The following SATB1 variants were observed in gnomAD, a reference collection of about 807,000 sequenced individuals.
SATB1 encodes SATB homeobox 1.
Under a neutral mutation model 86.9 loss-of-function variants are expected in SATB1, and 11 were observed. The observed-to-expected ratio is 0.13, with a 90% CI of 0.08 to 0.21. SATB1 has a LOEUF of 0.21. SATB1 is among the 10% of genes least tolerant of loss of function. SATB1 has a pLI of 1.00. For synonymous variants in SATB1, 357 were observed against 357.2 expected (o/e 1.00, Z 0.01); for missense variants, 551 against 937.6 (o/e 0.59, Z 5.39).
At chr3:18,359,118 T>C (rs947357686) in intron 9 of SATB1, among the ~76,000 whole-genome samples, 1 of 152,058 alleles carries the variant, frequency 6.6e-6, no homozygotes, top group African/African-American at 2.4e-5. Flanking sequence ...TACAATTTAA[T>C]CAGATAAAAA....
chr3:18,375,217 A>G (rs535877537), intron 9 of SATB1, among the ~76,000 whole-genome samples: 23 of 152,352 alleles, frequency 1.5e-4, no homozygotes, highest in African/African-American at 5.3e-4. Context: ...TTGAACCCTG[A>G]AGACAGTCTA....
At chr3:18,368,768 A>G (rs1214937072) in intron 9 of SATB1, among the ~76,000 whole-genome samples, 4 of 152,162 alleles carry the variant, frequency 2.6e-5, no homozygotes, top group African/African-American at 4.8e-5. Flanking sequence ...TAAGTAGGCT[A>G]TATCTATGTT....
At position 18,417,006 on chromosome 3, in the gene SATB1, T is replaced by C. The variant is rs1342382289; in HGVS notation, c.284A>G (p.His95Arg). 6.2e-7 allele frequency: 1 copy of C among 1,613,704 alleles called. No individual in the cohort carries two copies. The highest frequency in any genetic ancestry group is 8.5e-7 in the Non-Finnish European group (1 of 1,179,682). Residue 95 changes from histidine to arginine, a missense_variant, in exon 3 of 11, where the codon CAT (histidine) becomes CGT (arginine). Physicochemically the swap from His to Arg is conservative, Grantham distance 29. This residue lies in a region of SATB1 where 153 missense variants were observed against 258.1 expected (regional missense o/e 0.59). Coordinates refer to ENST00000338745, the MANE Select transcript of SATB1 (RefSeq NM_002971.6). ...NAIEYDCKEE[H>R]AEFVLVRKDM... Reference sequence around the variant, plus strand: ...CTTTCTCACCAGCACAAATTCTGCATGCTCCTCCTTGCAATCATATTCAAT... The same window carrying C: ...CTTTCTCACCAGCACAAATTCTGCACGCTCCTCCTTGCAATCATATTCAAT...
In SATB1 at chr3:18,384,210, A is replaced by C. The variant is rs73177722; in HGVS notation, c.1419+2189T>G. Among the ~76,000 whole-genome samples, 465 of 152,336 alleles carry C rather than the reference A, an allele frequency of 3.1e-3. 2 individuals are homozygous for C. Among genetic ancestry groups the C allele is most frequent in the African/African-American group, 0.011 (449 of 41,574 alleles). Reference sequence around the variant, plus strand: ...TCAGGCAAAAATAAATTAAACATATATTCTATCCCAACTTATCAGCAGATA... The same window carrying C: ...TCAGGCAAAAATAAATTAAACATATCTTCTATCCCAACTTATCAGCAGATA... On this transcript the variant is annotated intron_variant, in intron 8 of 10. Transcript: ENST00000338745.
At chr3:18,385,765 T>G (rs1054747035) in intron 8 of SATB1, among the ~76,000 whole-genome samples, 1 of 152,188 alleles carries the variant, frequency 6.6e-6, no homozygotes, top group African/African-American at 2.4e-5. Context: ...AAAACTTAGT[T>G]TAAAAAACAA....
At chr3:18,431,750 A>G (rs1698897912) in intron 2 of SATB1, among the ~76,000 whole-genome samples, 1 of 152,164 alleles carries the variant, frequency 6.6e-6, no homozygotes, top group Admixed American at 6.5e-5. Flanking sequence ...GTAGACCAAA[A>G]TTTGAGAAAT....
At chr3:18,420,504 A>G (rs148868034) in intron 2 of SATB1, among the ~76,000 whole-genome samples, 3 of 152,284 alleles carry the variant, frequency 2.0e-5, no homozygotes, top group Non-Finnish European at 2.9e-5. Flanking sequence ...TAAAACCATT[A>G]TATTTAATTC....
chr3:18,369,127 A>G (rs1695327934), intron 9 of SATB1, among the ~76,000 whole-genome samples: 5 of 151,486 alleles, frequency 3.3e-5, no homozygotes. Flanking sequence ...AGTGTCTGGT[A>G]TCTGACTATA....
At chr3:18,434,819 G>A (rs767146038) in intron 2 of SATB1, 3 of 151,502 alleles carry the variant, frequency 2.0e-5, no homozygotes, top group East Asian at 1.9e-4. Context: ...CACATGCTAC[G>A]TTAGATGTTT....
intron 9 of SATB1, among the ~76,000 whole-genome samples, chr3:18,372,352 CTTA>C (rs1184942980): frequency 1.3e-5 from 2 of 152,112 alleles, no homozygotes; most frequent in African/African-American, 2.4e-5. Flanking sequence ...AACAGTTAAG[CTTA>C]TTAAGTGGGT....
intron 2 of SATB1, among the ~76,000 whole-genome samples, chr3:18,432,627 G>T (rs1235543780): frequency 1.3e-5 from 2 of 152,070 alleles, no homozygotes; most frequent in Non-Finnish European, 2.9e-5. Flanking sequence ...AAGTGAAGGA[G>T]AAATTAAATT....
intron 9 of SATB1, among the ~76,000 whole-genome samples, chr3:18,357,681 A>G (rs1482812452): frequency 6.6e-6 from 1 of 151,808 alleles, no homozygotes; most frequent in African/African-American, 2.4e-5. Context: ...AAAGGTTTAA[A>G]GATATCACAA....
chr3:18,436,681 T>G (rs1199684713), intron 2 of SATB1: 1 of 152,214 alleles, frequency 6.6e-6, no homozygotes, highest in East Asian at 1.9e-4. Flanking sequence ...AATTCTTTAA[T>G]GAGTGCTCAA....
At chr3:18,421,043 T>C (rs1698373731) in intron 1 of SATB1, 52 bp from the exon 2 acceptor site, 1 of 1,228,750 alleles carries the variant, frequency 8.1e-7, no homozygotes, top group East Asian at 2.3e-5. Context: ...GACCTACGTG[T>C]ATATATGTGT....
intron 9 of SATB1, among the ~76,000 whole-genome samples, chr3:18,369,575 A>C (rs901811590): frequency 6.6e-6 from 1 of 152,130 alleles, no homozygotes; most frequent in African/African-American, 2.4e-5. Flanking sequence ...TTTTAGTTAC[A>C]CCACATGTGG....
upstream of SATB1, among the ~76,000 whole-genome samples, chr3:18,428,419 T>C (rs1442173864): frequency 6.6e-6 from 1 of 152,190 alleles, no homozygotes; most frequent in African/African-American, 2.4e-5. Flanking sequence ...CCTCTCAGTA[T>C]TGCCACATTG....
chr3:18,430,765 G>C (rs1465245433), intron 2 of SATB1, among the ~76,000 whole-genome samples: 1 of 152,204 alleles, frequency 6.6e-6, no homozygotes, highest in East Asian at 1.9e-4. Flanking sequence ...TTGAGTTTCA[G>C]TTTTAGCTAG....
chr3:18,384,689 CTTT>C (rs1387004827), intron 8 of SATB1, among the ~76,000 whole-genome samples: 1 of 151,940 alleles, frequency 6.6e-6, no homozygotes, highest in Non-Finnish European at 1.5e-5. Flanking sequence ...TATATTTTTT[CTTT>C]TTTATCATTC....
intron 5 of SATB1, among the ~76,000 whole-genome samples, chr3:18,399,784 T>G (rs966794671): frequency 1.3e-5 from 2 of 152,166 alleles, no homozygotes; most frequent in Non-Finnish European, 2.9e-5. Context: ...TCCCTATCTT[T>G]TTGTGCTTTT....
Sources: gnomAD v4.1 joint callset for allele counts (sites outside exome capture counted in the v4.1 genomes callset) on GRCh38, gnomAD v4.1.1 for gene constraint, gnomAD v4.1.1 regional missense constraint, MANE v1.5 for transcripts, NCBI Gene and HGNC (gene_info 2026-07-23, HGNC 2026-07-21) for gene names.